CTNNA3: variants seen among roughly 807,000 people sequenced by gnomAD.
The protein encoded by CTNNA3 is catenin alpha 3.
Under a neutral mutation model 95.7 loss-of-function variants are expected in CTNNA3, and 76 were observed. The ratio of observed to expected loss-of-function variants is 0.79; its 90% confidence interval spans 0.66 to 0.96. CTNNA3 has a LOEUF of 0.96. Ranked by LOEUF, CTNNA3 falls within the 40% of genes least tolerant of loss-of-function variation. CTNNA3 has a pLI of 0.00. For missense variants in CTNNA3, 1,191 were observed against 1,089.8 expected, an observed-to-expected ratio of 1.09 and a Z score of -1.31; for synonymous variants, 431 against 374.4, an observed-to-expected ratio of 1.15 and a Z score of -1.74.
chr10:66,412,456 A>ATTTTTTTTTT (rs750175517), intron 11 of CTNNA3, among the ~76,000 whole-genome samples: 1 of 126,198 alleles, frequency 7.9e-6, no homozygotes, highest in Non-Finnish European at 1.7e-5. Flanking sequence ...GCCAAATACT[A>ATTTTTTTTTT]TTTTTTTTTT....
chr10:66,846,886 G>C lies in CTNNA3; in HGVS notation c.1048-71362C>G, dbSNP rs74141706. Among the ~76,000 whole-genome samples, 1,394 of 152,228 alleles carry C rather than the reference G, an allele frequency of 9.2e-3. 15 individuals are homozygous for C. The highest frequency in any genetic ancestry group is 0.032 in the African/African-American group (1,331 of 41,538). ...CCTGGTCTGAAATCCCTATTGGTAA[G>C]TTTTCTTCTCTCAGAGCTAGCAGTT... On this transcript the variant is annotated intron_variant, in intron 7 of 17. Transcript: ENST00000433211.
At chr10:66,518,048 A>C (rs1840925445) in intron 11 of CTNNA3, among the ~76,000 whole-genome samples, 1 of 152,178 alleles carries the variant, frequency 6.6e-6, no homozygotes, top group African/African-American at 2.4e-5. Context: ...TGCTAGGGCT[A>C]GTAACCCTAA....
intron 15 of CTNNA3, among the ~76,000 whole-genome samples, chr10:66,048,974 A>C (rs1477279213): frequency 8.3e-5 from 3 of 35,994 alleles, no homozygotes; most frequent in East Asian, 1.8e-3. Flanking sequence ...CTACACAGCA[A>C]AAAAAAACTC....
Position 65,917,521 on chromosome 10 carries a change from A to T in CTNNA3, c.*2809T>A, listed in dbSNP as rs1383936665. On this transcript the variant is annotated 3_prime_UTR_variant, in exon 18 of 18. Transcript: ENST00000433211. ...ACATCTGGCAGGGATACTGGTGGGT[A>T]ACCAGGGATGGAACTGCTCCTGTGG... 6.6e-6 allele frequency: 1 copy of T among 151,822 alleles called. No homozygotes were observed. Among genetic ancestry groups the T allele is most frequent in the African/African-American group, 2.4e-5 (1 of 41,314 alleles). The allele number at this position is 151,822 out of a possible 1,614,324, so 9.4% of individuals were successfully genotyped here.
intron 1 of CTNNA3, among the ~76,000 whole-genome samples, chr10:67,761,047 C>T (rs192558293): frequency 4.3e-4 from 66 of 152,268 alleles, no homozygotes; most frequent in Non-Finnish European, 1.6e-4. Flanking sequence ...AAAAGGTTAG[C>T]GACCACTGGT....
intron 7 of CTNNA3, among the ~76,000 whole-genome samples, chr10:66,951,162 G>A (rs1018547537): frequency 6.6e-6 from 1 of 151,060 alleles, no homozygotes; most frequent in African/African-American, 2.4e-5. Context: ...CTGTCACCTG[G>A]AGTGCTGGAG....
chr10:67,601,675 T>C (rs1843088100), intron 3 of CTNNA3, among the ~76,000 whole-genome samples: 2 of 152,226 alleles, frequency 1.3e-5, no homozygotes, highest in Admixed American at 6.5e-5. Flanking sequence ...AATTCCTGGG[T>C]AACTGCTATA....
intron 7 of CTNNA3, among the ~76,000 whole-genome samples, chr10:67,129,533 G>A (rs536395827): frequency 5.9e-4 from 89 of 152,120 alleles, no homozygotes; most frequent in African/African-American, 2.0e-3. Context: ...ATTTCCCCAC[G>A]TCTACATAAG....
At chr10:66,705,348 T>A (rs751920386) in intron 9 of CTNNA3, among the ~76,000 whole-genome samples, 3 of 152,048 alleles carry the variant, frequency 2.0e-5, no homozygotes, top group Non-Finnish European at 4.4e-5. Context: ...GGTTTTAGCA[T>A]CAGGATAGTG....
rs1840961073 is a variant in CTNNA3 at position 67,696,169 on chromosome 10, G to T, written c.-175C>A. The T allele has an allele frequency of 1.3e-5, 2 of 152,200 alleles. No individual in the cohort carries two copies. The highest frequency in any genetic ancestry group is 1.3e-4 in the Admixed American group (2 of 15,282). 9.4% of individuals were successfully genotyped at this position (152,200 alleles called of 1,614,324 possible). A position where few individuals can be genotyped will look rare whatever the true frequency, so the allele number is the denominator to read the frequency against. ...GGGGCAGTCAATTTCGCTGAGCGTT[G>T]TTCACCCAGGATAAGAAAGAAAGGG... On this transcript the variant is annotated 5_prime_UTR_variant, in exon 1 of 18. Coordinates refer to ENST00000433211, the MANE Select transcript of CTNNA3 (RefSeq NM_013266.4).
At chr10:66,211,558 A>C (rs904705752) in intron 13 of CTNNA3, among the ~76,000 whole-genome samples, 3 of 152,222 alleles carry the variant, frequency 2.0e-5, no homozygotes, top group African/African-American at 7.2e-5. Flanking sequence ...TAAAGAGGCC[A>C]GTGAGTACCG....
intron 15 of CTNNA3, among the ~76,000 whole-genome samples, chr10:66,010,825 A>T (rs1185951916): frequency 6.6e-6 from 1 of 152,250 alleles, no homozygotes; most frequent in Non-Finnish European, 1.5e-5. Flanking sequence ...GTAAGCATTC[A>T]GTCAAGTCAT....
chr10:66,167,809 G>C (rs958160620), intron 13 of CTNNA3, among the ~76,000 whole-genome samples: 2 of 152,194 alleles, frequency 1.3e-5, no homozygotes, highest in Non-Finnish European at 2.9e-5. Flanking sequence ...CTGCTGTGCA[G>C]TTTGAGGAAA....
chr10:67,419,948 T>C (rs1845687867), intron 5 of CTNNA3, among the ~76,000 whole-genome samples: 1 of 152,078 alleles, frequency 6.6e-6, no homozygotes, highest in Admixed American at 6.6e-5. Context: ...ACCTCCCAAG[T>C]TCAAGGGATT....
intron 8 of CTNNA3, among the ~76,000 whole-genome samples, chr10:66,774,770 A>G (rs1173090618): frequency 6.6e-6 from 1 of 152,248 alleles, no homozygotes; most frequent in Non-Finnish European, 1.5e-5. Flanking sequence ...AGGAATGAAG[A>G]GCAAATGTCT....
intron 12 of CTNNA3, among the ~76,000 whole-genome samples, chr10:66,346,238 TATATATATAGAGAGAGAG>T (rs1271703308): frequency 0.016 from 264 of 16,068 alleles, 1 homozygote; most frequent in Middle Eastern, 0.042. Flanking sequence ...TATATATATA[TATATATATAGAGAGAGAG>T]AGAGAGAGAG....
At position 67,559,303 on chromosome 10, in the gene CTNNA3, A is replaced by G. The variant is rs903224919; in HGVS notation, c.293-19634T>C. Among the ~76,000 whole-genome samples the G allele has an allele frequency of 1.8e-4, 27 of 152,224 alleles. 1 individual carries two copies. The highest frequency in any genetic ancestry group is 3.2e-4 in the Non-Finnish European group (22 of 68,038). ...CCTCTGAGACAAAACTTCCAGAAGA[A>G]TGATCAGACAGTAGCATTCACGGTT... On this transcript the variant is annotated intron_variant, in intron 3 of 17. Transcript: ENST00000433211.
At chr10:67,115,666 T>TTAAAAA (rs556462279) in intron 7 of CTNNA3, among the ~76,000 whole-genome samples, 2 of 151,366 alleles carry the variant, frequency 1.3e-5, no homozygotes, top group East Asian at 3.9e-4. Context: ...TACAATGAAA[T>TTAAAAA]TAAAAATAAA....
intron 9 of CTNNA3, among the ~76,000 whole-genome samples, chr10:66,646,226 A>G (rs1049744976): frequency 3.9e-5 from 6 of 152,172 alleles, no homozygotes; most frequent in South Asian, 2.1e-4. Context: ...CTAATACAAT[A>G]TGAAAAAAAT....
Sources: gnomAD v4.1 joint callset for allele counts (sites outside exome capture counted in the v4.1 genomes callset) on GRCh38, gnomAD v4.1.1 for gene constraint, MANE v1.5 for transcripts, NCBI Gene and HGNC (gene_info 2026-07-23, HGNC 2026-07-21) for gene names.